Variants in PRDM16 observed in about 807,000 individuals in gnomAD.
PRDM16 encodes the protein histone-lysine N-methyltransferase PRDM16.
A neutral mutation model predicts 110.6 loss-of-function variants in PRDM16; 23 were observed. The ratio of observed to expected loss-of-function variants is 0.21; its 90% CI spans 0.15 to 0.29. The LOEUF is 0.29. PRDM16 is among the 10% of genes least tolerant of loss of function. The pLI is 1.00. For synonymous variants in PRDM16, 799 were observed against 781.8 expected (o/e 1.02, Z -0.37); for missense variants, 1,615 against 1,794.3 (o/e 0.90, Z 1.81).
At chr1:3,252,823 C>G in intron 3 of PRDM16, among the ~76,000 whole-genome samples, 1 of 152,180 alleles carries the variant, frequency 6.6e-6, no homozygotes, top group Admixed American at 6.5e-5. Context: ...TGCCTCACTA[C>G]CACAGCAGGT....
At chr1:3,363,751 G>A (rs1358392444) in intron 3 of PRDM16, among the ~76,000 whole-genome samples, 1 of 152,070 alleles carries the variant, frequency 6.6e-6, no homozygotes, top group Admixed American at 6.6e-5. Context: ...CCACCCAGGA[G>A]GAAAAACTCA....
chr1:3,387,547 G>T (rs571812176), intron 4 of PRDM16, among the ~76,000 whole-genome samples: 1 of 152,308 alleles, frequency 6.6e-6, no homozygotes, highest in South Asian at 2.1e-4. Context: ...ACCCCTCATA[G>T]GTAGCACAGC....
rs1312172754 is a variant in PRDM16 at position 3,209,842 on chromosome 1, T to C, written c.387+23368T>C. 6.6e-6 allele frequency among the ~76,000 whole-genome samples: 1 copy of C among 152,214 alleles called. No individual in the cohort carries two copies. The highest frequency in any genetic ancestry group is 1.5e-5 in the Non-Finnish European group (1 of 68,048). ...AGAACCCGGGGATCTAAGACGGGCA[T>C]GCTGGAAAAGTAGTGACAGTTATTT... On this transcript the variant is annotated intron_variant, in intron 2 of 16. Coordinates refer to ENST00000270722, the MANE Select transcript of PRDM16 (RefSeq NM_022114.4). This position sits in a 1 kb window ranked among gnomAD's most constrained non-coding sequence, Gnocchi z 4.6.
intron 3 of PRDM16, among the ~76,000 whole-genome samples, chr1:3,342,228 G>T (rs1036162608): frequency 6.6e-6 from 1 of 152,180 alleles, no homozygotes; most frequent in Non-Finnish European, 1.5e-5. Context: ...TTGGGAGAAT[G>T]AATGAACATA....
chr1:3,090,495 A>G (rs1642252711), intron 1 of PRDM16, among the ~76,000 whole-genome samples: 1 of 152,356 alleles, frequency 6.6e-6, no homozygotes, highest in Non-Finnish European at 1.5e-5. Context: ...AAACGTGGAC[A>G]TTCCTCAGGC....
In PRDM16 at chr1:3,411,685, G is replaced by T; in HGVS notation, c.1488G>T (p.Gly496=). 6.2e-7 allele frequency: 1 copy of T among 1,610,910 alleles called. No homozygotes were observed. Among genetic ancestry groups the T allele is most frequent in the Non-Finnish European group, 8.5e-7 (1 of 1,177,916 alleles). ...ACTTTCCCTCCAGGCCGCACCCGGG[G>T]AGCCTGCCCTTCTCCACGGCGCCTC... is the stretch of plus-strand genomic sequence containing the variant. ...NEYFPSRPHP[G]SLPFSTAPPT... Residue 496 remains glycine (G), a synonymous_variant, in exon 9 of 17, where the codon GGG becomes GGT. Transcript: ENST00000270722.
Position 3,418,823 on chromosome 1 carries a change from T to G in PRDM16, c.2939+79T>G, listed in dbSNP as rs112442406. 41 of 1,120,154 alleles carry G rather than the reference T, an allele frequency of 3.7e-5. 1 individual carries two copies. The highest frequency in any genetic ancestry group is 2.4e-4 in the African/African-American group (16 of 65,386). 69.4% of individuals were successfully genotyped at this position (1,120,154 alleles called of 1,614,324 possible). On this transcript the variant is annotated intron_variant, in intron 12 of 16. Coordinates refer to ENST00000270722, the MANE Select transcript of PRDM16 (RefSeq NM_022114.4). ...GCTGACCCACTCCTAGGAGTAAGTA[T>G]GCCATTCCCAGGGCTCCCTGCTGGA...
chr1:3,430,817 CA>C, intron 14 of PRDM16, 54 bp from the exon 15 acceptor site: 1 of 1,594,676 alleles, frequency 6.3e-7, no homozygotes, highest in Non-Finnish European at 8.6e-7. Flanking sequence ...TTTGGGGGTC[CA>C]TGGGAAGGAC....
At chr1:3,248,761 G>A (rs1259519123) in intron 3 of PRDM16, among the ~76,000 whole-genome samples, 2 of 152,232 alleles carry the variant, frequency 1.3e-5, no homozygotes, top group African/African-American at 4.8e-5. Context: ...TGATAATGAC[G>A]ATAATTTGTG....
At chr1:3,101,047 G>A (rs888069706) in intron 1 of PRDM16, among the ~76,000 whole-genome samples, 8 of 152,156 alleles carry the variant, frequency 5.3e-5, no homozygotes, top group South Asian at 2.1e-4. Flanking sequence ...TGCCCTCGGC[G>A]GGAGTGGATG....
chr1:3,234,346 G>C (rs1193591503), intron 2 of PRDM16, among the ~76,000 whole-genome samples: 2 of 152,068 alleles, frequency 1.3e-5, no homozygotes, highest in African/African-American at 4.8e-5. Context: ...GCCCTGACAC[G>C]GAGCCTGCAC....
intron 1 of PRDM16, among the ~76,000 whole-genome samples, chr1:3,139,418 A>G (rs1426421018): frequency 6.6e-6 from 1 of 152,240 alleles, no homozygotes; most frequent in Non-Finnish European, 1.5e-5. Context: ...CCAGATTGAT[A>G]GCAGGCGACT....
chr1:3,406,611 G>A lies in PRDM16; in HGVS notation c.1186+963G>A, dbSNP rs1643567200. On this transcript the variant is annotated intron_variant, in intron 8 of 16. Transcript: ENST00000270722. The stretch of plus-strand genomic sequence containing the variant: ...TTTTTAATTAGCCAACCACGGTAGT[G>A]TGTGCCTGTGGTCCCAGCTGCTCAG... Among the ~76,000 whole-genome samples, 6 of 152,114 alleles carry A rather than the reference G, an allele frequency of 3.9e-5. No homozygotes were observed. The South Asian group carries it at 1.2e-3, about 32-fold the overall frequency.
intron 4 of PRDM16, among the ~76,000 whole-genome samples, chr1:3,392,888 G>T (rs1446821542): frequency 6.6e-6 from 1 of 152,226 alleles, no homozygotes; most frequent in African/African-American, 2.4e-5. Context: ...TTTGTGTCTG[G>T]AAAGTGATAA....
chr1:3,368,199 C>T (rs1376137315), intron 3 of PRDM16, among the ~76,000 whole-genome samples: 4 of 152,212 alleles, frequency 2.6e-5, no homozygotes, highest in African/African-American at 4.8e-5. Context: ...CCGTGGCTGA[C>T]GCAGGCACCT....
At chr1:3,303,597 G>A (rs917873909) in intron 3 of PRDM16, among the ~76,000 whole-genome samples, 17 of 152,236 alleles carry the variant, frequency 1.1e-4, no homozygotes, top group African/African-American at 4.1e-4. Context: ...GGCATTACCA[G>A]GTCATCCAAT....
chr1:3,310,619 G>A (rs1641429404), intron 3 of PRDM16, among the ~76,000 whole-genome samples: 2 of 152,118 alleles, frequency 1.3e-5, no homozygotes, highest in Admixed American at 6.5e-5. Flanking sequence ...CCCTCCACCT[G>A]CCAAACCAGC....
Position 3,255,545 on chromosome 1 carries a change from G to A in PRDM16, c.438+11408G>A, listed in dbSNP as rs541921510. Among the ~76,000 whole-genome samples, 14 of 152,164 alleles carry A rather than the reference G, an allele frequency of 9.2e-5. No homozygotes were observed. The highest frequency in any genetic ancestry group is 1.6e-4 in the Non-Finnish European group (11 of 68,030). ...CATTCATCTGTGGCCACAGTGGCACGGGGAGGGGGCGGGAGACACAAGCCA... is the reference window on the plus strand; with the variant it reads ...CATTCATCTGTGGCCACAGTGGCACAGGGAGGGGGCGGGAGACACAAGCCA... On this transcript the variant is annotated intron_variant, in intron 3 of 16. Coordinates refer to ENST00000270722, the MANE Select transcript of PRDM16 (RefSeq NM_022114.4). The surrounding 1 kb of genome is among the most constrained non-coding windows in gnomAD (Gnocchi z 4.7).
chr1:3,122,696 A>G (rs1377011072), intron 1 of PRDM16, among the ~76,000 whole-genome samples: 1 of 150,486 alleles, frequency 6.6e-6, no homozygotes, highest in East Asian at 1.9e-4. Flanking sequence ...CTGCCCCCAC[A>G]CTAAAAACAG....
Sources: allele counts gnomAD v4.1 joint callset (sites outside exome capture counted in the v4.1 genomes callset), GRCh38; gene constraint gnomAD v4.1.1; non-coding constraint Gnocchi (gnomAD v3.1); transcripts MANE v1.5; gene names NCBI Gene and HGNC (gene_info 2026-07-23, HGNC 2026-07-21).